USF3: variants seen among roughly 807,000 people sequenced by gnomAD.
USF3 encodes the protein basic helix-loop-helix domain-containing protein USF3.
USF3 carries 29 observed loss-of-function variants against 157.5 expected under a neutral mutation model. The ratio of observed to expected loss-of-function variants is 0.18; its 90% CI spans 0.14 to 0.25. USF3 has a LOEUF of 0.25. Ranked by LOEUF, USF3 falls within the 10% of genes least tolerant of loss-of-function variation. The pLI is 1.00. For synonymous variants in USF3, 893 were observed against 941.4 expected (o/e 0.95, Z 0.94); for missense variants, 2,381 against 2,667.6 (o/e 0.89, Z 2.37).
chr3:113,651,988 T>C lies in USF3; in HGVS notation c.*2956A>G, dbSNP rs541560364. 7 of 152,330 alleles carry C rather than the reference T, an allele frequency of 4.6e-5. No individual in the cohort carries two copies. Among genetic ancestry groups the C allele is most frequent in the South Asian group, 2.1e-4 (1 of 4,822 alleles). 9.4% of individuals were successfully genotyped at this position (152,330 alleles called of 1,614,324 possible). On this transcript the variant is annotated 3_prime_UTR_variant, in exon 7 of 7. Transcript: ENST00000316407. ...TGAAAGTCACAGGCTTTGAGGACTT[T>C]ACATTGCAATGTTCAAACTGAGCTT...
chr3:113,684,201 C>T (rs1345005209), intron 1 of USF3, among the ~76,000 whole-genome samples: 1 of 152,154 alleles, frequency 6.6e-6, no homozygotes, highest in East Asian at 1.9e-4. Context: ...TGTAAGGTTT[C>T]CACTGAGAAA....
chr3:113,650,429 TA>T lies in USF3; in HGVS notation c.*4514del, dbSNP rs1947240880. 6.6e-6 allele frequency: 1 copy of T among 152,196 alleles called. No individual in the cohort carries two copies. 9.4% of individuals were successfully genotyped at this position (152,196 alleles called of 1,614,324 possible). On this transcript the variant is annotated 3_prime_UTR_variant, in exon 7 of 7. Coordinates refer to ENST00000316407, the MANE Select transcript of USF3 (RefSeq NM_001009899.4). Reference sequence around the variant, plus strand: ...ACTGATCCATACATGGTGGGCCCAATAAATGTTTCAAGGCAAAGGAGTAATC... The same window carrying T: ...ACTGATCCATACATGGTGGGCCCAATAATGTTTCAAGGCAAAGGAGTAATC...
At chr3:113,674,047 G>C (rs1160567387) in intron 3 of USF3, among the ~76,000 whole-genome samples, 2 of 152,124 alleles carry the variant, frequency 1.3e-5, no homozygotes, top group African/African-American at 4.8e-5. Context: ...AGAACCATTG[G>C]CCATGCAATT....
Position 113,659,568 on chromosome 3 carries a change from A to G in USF3, c.2114T>C (p.Leu705Pro), listed in dbSNP as rs967319813. 1 of 1,613,980 alleles carries G rather than the reference A, an allele frequency of 6.2e-7. No individual in the cohort carries two copies. Among genetic ancestry groups the G allele is most frequent in the African/African-American group, 1.3e-5 (1 of 74,942 alleles). Residue 705 changes from leucine to proline, a missense_variant, in exon 7 of 7, where the codon CTG becomes CCG. Leu to Pro is a moderately conservative substitution (Grantham distance 98). Transcript: ENST00000316407. ...GCTGGCCAAAGCACCAAATGTATTC[A>G]GGGCAACATTGGTATTTGGATCTTC... ...TSEDPNTNVA[L>P]NTFGALASLN... is the part of the protein sequence containing the mutation.
intron 1 of USF3, among the ~76,000 whole-genome samples, chr3:113,685,878 T>C (rs1707535370): frequency 1.3e-5 from 2 of 152,208 alleles, no homozygotes; most frequent in South Asian, 4.1e-4. Flanking sequence ...TTACTGTAGC[T>C]GAGCTGGGAT....
chr3:113,689,254 C>T (rs1707631890), intron 1 of USF3, among the ~76,000 whole-genome samples: 1 of 152,162 alleles, frequency 6.6e-6, no homozygotes, highest in Non-Finnish European at 1.5e-5. Context: ...GAGAGTTTCA[C>T]CAACTCCTCA....
At chr3:113,670,770 T>G (rs1307085391) in intron 4 of USF3, among the ~76,000 whole-genome samples, 1 of 152,206 alleles carries the variant, frequency 6.6e-6, no homozygotes, top group Non-Finnish European at 1.5e-5. Flanking sequence ...ATTTTGCTTT[T>G]TTTTGAGACA....
intron 1 of USF3, among the ~76,000 whole-genome samples, chr3:113,682,400 T>C (rs1343344721): frequency 2.0e-5 from 3 of 152,038 alleles, no homozygotes; most frequent in African/African-American, 7.2e-5. Flanking sequence ...GATCTATCCT[T>C]GAGAATGATC....
chr3:113,659,383 C>T lies in USF3; in HGVS notation c.2299G>A (p.Ala767Thr), dbSNP rs778881780. The part of the protein sequence containing the change: ...AAPPVTTDSS[A>T]TLASTYNLVS... ...AGATTATAAGTACTAGCTAGTGTGG[C>T]TGAACTATCTGTTGTCACAGGAGGT... The change falls in exon 7 of 7, where the codon GCC becomes ACC. Residue 767 changes from alanine (A) to threonine (T), a missense_variant. Physicochemically the swap from Ala to Thr is moderately conservative, Grantham distance 58. Around this residue, in one of 6 missense-constraint regions of USF3, gnomAD observed 1,435 missense variants for 1,550.9 expected, o/e 0.93. Coordinates refer to ENST00000316407, the MANE Select transcript of USF3 (RefSeq NM_001009899.4). The T allele has an allele frequency of 1.5e-5, 24 of 1,614,112 alleles. No individual in the cohort carries two copies. In the African/African-American group the frequency reaches 3.2e-4, roughly 22 times the overall value.
chr3:113,672,483 C>T lies in USF3; in HGVS notation c.76+865G>A, dbSNP rs185489523. On this transcript the variant is annotated intron_variant, in intron 4 of 6. Coordinates refer to ENST00000316407, the MANE Select transcript of USF3 (RefSeq NM_001009899.4). ...CTGACTCCAATCAAAAAGATTAGCTCTTATGGTCAAAAACATTAATTTATA... is the reference window on the plus strand; with the variant it reads ...CTGACTCCAATCAAAAAGATTAGCTTTTATGGTCAAAAACATTAATTTATA... Among the ~76,000 whole-genome samples, 5 of 151,988 alleles carry T rather than the reference C, an allele frequency of 3.3e-5. No homozygotes were observed. The East Asian group carries it at 9.7e-4, about 29-fold the overall frequency.
Position 113,656,217 on chromosome 3 carries a change from C to T in USF3, c.5465G>A (p.Ser1822Asn). ...ENTCHQSFMQ[S>N]LLAPHLSDQV... ...ATCACTGAGGTGAGGGGCAAGTAAG[C>T]TCTGCATGAAACTTTGGTGACAAGT... Residue 1822 changes from serine (S) to asparagine (N), a missense_variant, in exon 7 of 7, where the codon AGC (serine) becomes AAC (asparagine). By Grantham distance (46) the Ser-to-Asn change is conservative. Transcript: ENST00000316407. 2.5e-6 allele frequency: 4 copies of T among 1,614,152 alleles called. No homozygotes were observed. Among genetic ancestry groups the T allele is most frequent in the African/African-American group, 1.3e-5 (1 of 75,034 alleles).
intron 1 of USF3, among the ~76,000 whole-genome samples, chr3:113,687,527 A>G (rs1166511289): frequency 6.6e-6 from 1 of 152,152 alleles, no homozygotes; most frequent in Admixed American, 6.5e-5. Context: ...ACAGATCTAC[A>G]TTTGCCTCTG....
Position 113,656,467 on chromosome 3 carries a change from G to T in USF3, c.5215C>A (p.Pro1739Thr). 6.2e-7 allele frequency: 1 copy of T among 1,614,114 alleles called. No homozygotes were observed. The highest frequency in any genetic ancestry group is 8.5e-7 in the Non-Finnish European group (1 of 1,180,024). ...TGGGGCTGTTGACTAGCTCCACTTG[G>T]TTTAAACGTCTGACAATCAGAAAGG... ...IRLSDCQTFK[P>T]SGASQQPQSN... Residue 1739 changes from proline (P) to threonine (T), a missense_variant, in exon 7 of 7, where the codon CCA (proline) becomes ACA (threonine). This residue lies in a region of USF3 where 770 missense variants were observed against 824.2 expected (regional missense o/e 0.93). Coordinates refer to ENST00000316407, the MANE Select transcript of USF3 (RefSeq NM_001009899.4).
At chr3:113,693,278 G>A (rs1056094360) in intron 1 of USF3, among the ~76,000 whole-genome samples, 1 of 152,174 alleles carries the variant, frequency 6.6e-6, no homozygotes, top group African/African-American at 2.4e-5. Flanking sequence ...TGTTGCAATG[G>A]TATTCAAGAA....
intron 1 of USF3, among the ~76,000 whole-genome samples, chr3:113,684,504 G>T (rs1392887682): frequency 6.6e-6 from 1 of 151,916 alleles, no homozygotes; most frequent in East Asian, 1.9e-4. Context: ...TTCCCCTTTT[G>T]AAGCTATTTT....
chr3:113,694,179 G>C (rs945195774), intron 1 of USF3, among the ~76,000 whole-genome samples: 1 of 152,226 alleles, frequency 6.6e-6, no homozygotes, highest in African/African-American at 2.4e-5. Context: ...GGTAAAGCAT[G>C]ACAGATATGA....
At chr3:113,670,525 G>A (rs184553228) in intron 4 of USF3, among the ~76,000 whole-genome samples, 7 of 152,014 alleles carry the variant, frequency 4.6e-5, no homozygotes, top group African/African-American at 7.3e-5. Context: ...CTTGAAACCC[G>A]GGAGATGGAG....
At chr3:113,695,866 G>C (rs894174887) in intron 1 of USF3, among the ~76,000 whole-genome samples, 2 of 152,186 alleles carry the variant, frequency 1.3e-5, no homozygotes, top group Non-Finnish European at 2.9e-5. Context: ...CTTCTAAAAA[G>C]AAAACACAAG....
chr3:113,693,662 A>G (rs1169374674), intron 1 of USF3, among the ~76,000 whole-genome samples: 1 of 152,232 alleles, frequency 6.6e-6, no homozygotes, highest in Non-Finnish European at 1.5e-5. Context: ...ATTTGAGAAC[A>G]ATGAAACACA....
Sources: gnomAD v4.1 joint callset for allele counts (sites outside exome capture counted in the v4.1 genomes callset) on GRCh38, gnomAD v4.1.1 for gene constraint, gnomAD v4.1.1 regional missense constraint, MANE v1.5 for transcripts, NCBI Gene and HGNC (gene_info 2026-07-23, HGNC 2026-07-21) for gene names.